TBC1D5: variants seen among roughly 807,000 people sequenced by gnomAD.
TBC1D5 encodes TBC1 domain family, member 5.
A neutral mutation model predicts 100.3 loss-of-function variants in TBC1D5; 75 were observed. That is an observed-to-expected ratio of 0.75 (90% CI 0.62 to 0.91). TBC1D5 has a LOEUF of 0.91. TBC1D5 is among the 40% of genes least tolerant of loss of function. TBC1D5 has a pLI of 0.00. For synonymous variants in TBC1D5, 323 were observed against 325.6 expected, an observed-to-expected ratio of 0.99 and a Z score of 0.09; for missense variants, 910 against 942.4, an observed-to-expected ratio of 0.97 and a Z score of 0.45.
At chr3:17,530,243 CAAAAA>C (rs57879135) in intron 2 of TBC1D5, among the ~76,000 whole-genome samples, 1 of 59,934 alleles carries the variant, frequency 1.7e-5, no homozygotes, top group Non-Finnish European at 3.8e-5. Flanking sequence ...GACTTCGTCT[CAAAAA>C]AAAAAAAAAA....
intron 3 of TBC1D5, among the ~76,000 whole-genome samples, chr3:17,503,212 T>C (rs563526163): frequency 6.7e-5 from 10 of 149,882 alleles, no homozygotes; most frequent in East Asian, 5.8e-4. Context: ...AAATTCTTTA[T>C]GTTTAGCAGA....
chr3:17,670,134 C>T (rs138489948), intron 1 of TBC1D5, among the ~76,000 whole-genome samples: 3,158 of 152,220 alleles, frequency 0.021, 96 homozygotes, highest in African/African-American at 0.071. Flanking sequence ...GTGATCTGCT[C>T]ACCTCGGCCT....
chr3:17,393,307 C>G (rs935538922), intron 8 of TBC1D5, among the ~76,000 whole-genome samples: 2 of 151,926 alleles, frequency 1.3e-5, no homozygotes, highest in Admixed American at 6.6e-5. Flanking sequence ...CAAACCACTG[C>G]TCAAGGAAAT....
At position 17,734,275 on chromosome 3, in the gene TBC1D5, C is replaced by T. The variant is rs115649801; in HGVS notation, c.-101+5068G>A. 3.5e-3 allele frequency among the ~76,000 whole-genome samples: 533 copies of T among 151,906 alleles called. 3 individuals carry two copies. The highest frequency in any genetic ancestry group is 0.012 in the African/African-American group (499 of 41,446). On this transcript the variant is annotated intron_variant, in intron 1 of 21. Coordinates refer to ENST00000253692, the Ensembl canonical transcript of TBC1D5. ...TATACCTACATATATATGTGGAGGG[C>T]GGAGGGGGAGAGAAATCCCATTTAT...
At chr3:17,502,820 T>C (rs1309056412) in intron 3 of TBC1D5, among the ~76,000 whole-genome samples, 1 of 149,506 alleles carries the variant, frequency 6.7e-6, no homozygotes, top group African/African-American at 2.5e-5. Context: ...CTCAGAAAAC[T>C]GTATGTCACT....
At chr3:17,204,752 T>C (rs1406674310) in intron 18 of TBC1D5, among the ~76,000 whole-genome samples, 1 of 152,210 alleles carries the variant, frequency 6.6e-6, no homozygotes, top group Non-Finnish European at 1.5e-5. Flanking sequence ...AATAAATGTA[T>C]TGCACCATAA....
intron 2 of TBC1D5, among the ~76,000 whole-genome samples, chr3:17,603,492 AC>A (rs1039864150): frequency 2.6e-5 from 4 of 151,998 alleles, no homozygotes; most frequent in Non-Finnish European, 4.4e-5. Flanking sequence ...TCTGGAATCT[AC>A]CCTATATGAT....
At chr3:17,297,531 A>G (rs147762875) in intron 14 of TBC1D5, among the ~76,000 whole-genome samples, 2,272 of 151,740 alleles carry the variant, frequency 0.015, 50 homozygotes, top group African/African-American at 0.052. Flanking sequence ...AGCCCAGATC[A>G]CACCACCGCA....
At chr3:17,694,941 T>G (rs955805595) in intron 1 of TBC1D5, among the ~76,000 whole-genome samples, 1 of 152,164 alleles carries the variant, frequency 6.6e-6, no homozygotes, top group African/African-American at 2.4e-5. Flanking sequence ...GGGGCCAATA[T>G]TCAACATTCT....
intron 13 of TBC1D5, among the ~76,000 whole-genome samples, chr3:17,350,591 G>A (rs2090456342): frequency 6.6e-6 from 1 of 152,128 alleles, no homozygotes; most frequent in Non-Finnish European, 1.5e-5. Context: ...TGGATGAAGA[G>A]ACAGATGTAC....
intron 1 of TBC1D5, among the ~76,000 whole-genome samples, chr3:17,668,450 T>G (rs1238812464): frequency 1.3e-5 from 2 of 152,114 alleles, no homozygotes; most frequent in African/African-American, 4.8e-5. Context: ...ACTAAATCTC[T>G]TGAGGTGTAT....
At chr3:17,721,333 A>G (rs147522208) in intron 1 of TBC1D5, among the ~76,000 whole-genome samples, 2 of 152,270 alleles carry the variant, frequency 1.3e-5, no homozygotes, top group African/African-American at 4.8e-5. Context: ...CAAAAGTGTA[A>G]TGTCAAGTAC....
At chr3:17,440,785 G>C (rs1376228618) in intron 3 of TBC1D5, among the ~76,000 whole-genome samples, 1 of 152,056 alleles carries the variant, frequency 6.6e-6, no homozygotes, top group Non-Finnish European at 1.5e-5. Context: ...GGGATTACAG[G>C]TGTGAGCCAC....
chr3:17,174,528 T>C (rs1267995626), intron 19 of TBC1D5, among the ~76,000 whole-genome samples: 2 of 152,162 alleles, frequency 1.3e-5, no homozygotes, highest in Non-Finnish European at 2.9e-5. Flanking sequence ...TACATATACA[T>C]TGAACTCAAT....
chr3:17,615,423 T>C (rs2062064849), intron 2 of TBC1D5, among the ~76,000 whole-genome samples: 1 of 152,210 alleles, frequency 6.6e-6, no homozygotes. Context: ...GAGGATTCCC[T>C]CTTTTCTATT....
At chr3:17,224,681 A>G (rs1307479889) in intron 17 of TBC1D5, among the ~76,000 whole-genome samples, 2 of 152,176 alleles carry the variant, frequency 1.3e-5, no homozygotes, top group Non-Finnish European at 2.9e-5. Context: ...TCTGGGAGAA[A>G]TCTTTAGAAT....
At chr3:17,163,241 A>G (rs889833842) in intron 21 of TBC1D5, among the ~76,000 whole-genome samples, 4 of 123,694 alleles carry the variant, frequency 3.2e-5, no homozygotes, top group African/African-American at 6.9e-5. Context: ...CTTAGCAGCC[A>G]TTTTCTTTTA....
intron 3 of TBC1D5, among the ~76,000 whole-genome samples, chr3:17,466,256 G>A (rs1159047829): frequency 6.6e-6 from 1 of 152,192 alleles, no homozygotes; most frequent in Non-Finnish European, 1.5e-5. Flanking sequence ...TGACATAACC[G>A]TTTTACTAGC....
Position 17,462,589 on chromosome 3 carries a change from G to A in TBC1D5, c.98-34070C>T, listed in dbSNP as rs572358466. 1.2e-4 allele frequency among the ~76,000 whole-genome samples: 19 copies of A among 152,170 alleles called. No individual in the cohort carries two copies. The East Asian group carries it at 1.7e-3, about 14-fold the overall frequency. On this transcript the variant is annotated intron_variant, in intron 3 of 21. Coordinates refer to ENST00000253692, the Ensembl canonical transcript of TBC1D5. ...TCCCGCCTCAGCCTCCCAAAATGCT[G>A]GGATTACAGGCATGAGCCACTGGGC...
Sources: gnomAD v4.1 joint callset for allele counts (sites outside exome capture counted in the v4.1 genomes callset) on GRCh38, gnomAD v4.1.1 for gene constraint, MANE v1.5 for transcripts, NCBI Gene and HGNC (gene_info 2026-07-23, HGNC 2026-07-21) for gene names.